The following ANKLE1 variants were observed in gnomAD, a reference collection of about 807,000 sequenced individuals.
ANKLE1 encodes structure-specific endonuclease ANKLE1.
In ANKLE1, 59 loss-of-function variants were observed where a neutral mutation model predicts 56.2. That is an observed-to-expected ratio of 1.05 (90% confidence interval 0.85 to 1.30). The LOEUF is 1.30. Ranked by LOEUF, ANKLE1 falls within the 50% of genes most tolerant of loss-of-function variation. The pLI, the probability that ANKLE1 is intolerant of heterozygous loss-of-function variation, is 0.00. For missense variants in ANKLE1, 771 were observed against 816.1 expected (o/e 0.94, Z 0.67); for synonymous variants, 341 against 352.9 (o/e 0.97, Z 0.38).
At chr19:17,282,486 T>C in intron 2 of ANKLE1, 170 bp from the exon 3 acceptor site, 1 of 848,788 alleles carries the variant, frequency 1.2e-6, no homozygotes, top group Non-Finnish European at 1.9e-6. Flanking sequence ...ACGGCAGAGG[T>C]TTGGGTCCTG....
In ANKLE1 at chr19:17,283,204, GGCCCCCACTCTCACCTGCA is replaced by G. The variant is rs1356873162; in HGVS notation, c.461-15_464del. On this transcript the variant is annotated splice_acceptor_variant and splice_polypyrimidine_tract_variant and intron_variant, in intron 4 of 8. Transcript: ENST00000404085. LOFTEE classifies it high-confidence loss of function. ...TCTCATCCCTCCTCCTCTCCTCTCT[GGCCCCCACTCTCACCTGCA>G]GCCCCAGGCCTCTCTGGACCTACCG... The G allele has an allele frequency of 2.5e-6, 4 of 1,591,704 alleles. No homozygotes were observed. In the East Asian group the frequency reaches 9.0e-5, roughly 36 times the overall value.
rs769875989 is a variant in ANKLE1, at chr19:17,287,464, A to G, written c.*912A>G. 2.6e-5 allele frequency: 4 copies of G among 151,866 alleles called. No individual in the cohort carries two copies. The highest frequency in any genetic ancestry group is 5.9e-5 in the Non-Finnish European group (4 of 68,052). 9.4% of individuals were successfully genotyped at this position (151,866 alleles called of 1,614,324 possible). ...AAACAAAAAAACAAATGCCACATCA[A>G]CATCAGGACGTTAACCTTTAGACCC... On this transcript the variant is annotated 3_prime_UTR_variant, in exon 9 of 9. Transcript: ENST00000404085.
At position 17,283,465 on chromosome 19, in the gene ANKLE1, C is replaced by T. The variant is rs777780188; in HGVS notation, c.701C>T (p.Ala234Val). 2 of 1,612,846 alleles carry T rather than the reference C, an allele frequency of 1.2e-6. No homozygotes were observed. The highest frequency in any genetic ancestry group is 2.7e-5 in the African/African-American group (2 of 74,916). Reference sequence around the variant, plus strand: ...GAGGTCTCTGGAGCTGAGGACCCAGCCTCGGACACTCCCCCCTGGGCTGGG... The same window carrying T: ...GAGGTCTCTGGAGCTGAGGACCCAGTCTCGGACACTCCCCCCTGGGCTGGG... ...AVEVSGAEDP[A>V]SDTPPWAGSL... Residue 234 changes from alanine (A) to valine (V), a missense_variant, in exon 5 of 9, where the codon GCC becomes GTC. Transcript: ENST00000404085.
chr19:17,286,516 A>C lies in ANKLE1; in HGVS notation c.1812A>C (p.Arg604=), dbSNP rs1316836809. ...TTGTCTTCCTGGCTGAAGGCGAGCG[A>C]CAGCTTCATCCCCAGGACATCCAGG... ...ALLVFLAEGE[R]QLHPQDIQAR... Residue 604 remains arginine, a synonymous_variant, in exon 9 of 9, where the codon CGA becomes CGC. Transcript: ENST00000404085. 6.2e-7 allele frequency: 1 copy of C among 1,611,136 alleles called. No individual in the cohort carries two copies. The highest frequency in any genetic ancestry group is 2.2e-5 in the East Asian group (1 of 44,784).
In ANKLE1 at chr19:17,282,880, T is replaced by C. The variant is rs910719416; in HGVS notation, c.338T>C (p.Leu113Pro). 4 of 1,582,332 alleles carry C rather than the reference T, an allele frequency of 2.5e-6. No homozygotes were observed. The African/African-American group carries it at 5.4e-5, about 21-fold the overall frequency. Residue 113 changes from leucine (L) to proline (P), a missense_variant, in exon 4 of 9, where the codon CTG becomes CCG. Physicochemically the swap from Leu to Pro is moderately conservative, Grantham distance 98 (BLOSUM62 -3). Transcript: ENST00000404085. The stretch of plus-strand genomic sequence containing the variant: ...CCCCTGTAGGACGGACTCCGGCCGC[T>C]GGACCTGGCCCTGCAGCAGGGACAC... ...ALRDQDGLRP[L>P]DLALQQGHLE...
Position 17,283,519 on chromosome 19 carries a change from T to C in ANKLE1, c.755T>C (p.Leu252Pro). Residue 252 changes from leucine to proline, a missense_variant, in exon 5 of 9, where the codon CTG becomes CCG. Physicochemically the swap from Leu to Pro is moderately conservative, Grantham distance 98. Transcript: ENST00000404085. ...GSLPPTRQGL[L>P]HVVHANQRVP... ...TTGCCACCGACCAGGCAGGGACTTC[T>C]GCATGTTGTCCATGCCAACCAGAGG... The C allele has an allele frequency of 6.2e-7, 1 of 1,613,146 alleles. No homozygotes were observed. Among genetic ancestry groups the C allele is most frequent in the Non-Finnish European group, 8.5e-7 (1 of 1,179,758 alleles).
In ANKLE1 at chr19:17,282,960, C is replaced by T. The variant is rs200388053; in HGVS notation, c.418C>T (p.Arg140Trp). The T allele has an allele frequency of 2.4e-4, 373 of 1,567,520 alleles. 1 individual carries two copies. The highest frequency in any genetic ancestry group is 2.9e-4 in the Non-Finnish European group (337 of 1,162,888). ...CGACACGCGGACCAGGACCCGGACC[C>T]GGATCGGGGCAGAGACTCAGGAGCC... ...DLDTRTRTRT[R>W]IGAETQEPEP... The change falls in exon 4 of 9, where the codon CGG (arginine) becomes TGG (tryptophan). Residue 140 changes from arginine (R) to tryptophan (W), a missense_variant. Arg to Trp is a moderately radical substitution (Grantham distance 101). Transcript: ENST00000404085.
Position 17,283,537 on chromosome 19 carries a change from A to T in ANKLE1, c.773A>T (p.Asn258Ile), listed in dbSNP as rs777655909. 3 of 1,612,932 alleles carry T rather than the reference A, an allele frequency of 1.9e-6. No individual in the cohort carries two copies. The highest frequency in any genetic ancestry group is 3.3e-5 in the Admixed American group (2 of 60,002). Residue 258 changes from asparagine to isoleucine, a missense_variant, in exon 5 of 9, where the codon AAC (asparagine) becomes ATC (isoleucine). Physicochemically the swap from Asn to Ile is moderately radical, Grantham distance 149. Coordinates refer to ENST00000404085, the MANE Select transcript of ANKLE1 (RefSeq NM_152363.6). ...RQGLLHVVHANQRVPRSQGTE... is the reference protein window; with the variant it reads ...RQGLLHVVHAIQRVPRSQGTE... ...GGACTTCTGCATGTTGTCCATGCCAACCAGAGGGTACCTAGGTCTCAGGGC... is the reference window on the plus strand; with the variant it reads ...GGACTTCTGCATGTTGTCCATGCCATCCAGAGGGTACCTAGGTCTCAGGGC...
Position 17,283,711 on chromosome 19 carries a change from A to G in ANKLE1, c.947A>G (p.Asp316Gly). The change falls in exon 5 of 9, where the codon GAC becomes GGC. Residue 316 changes from aspartate (D) to glycine (G), a missense_variant. Physicochemically the swap from Asp to Gly is moderately conservative, Grantham distance 94. Transcript: ENST00000404085. ...CGGACACCAACCCCTGGAGCTTCTG[A>G]CTGCCACTGCCTGTGGGAGCACCAG... ...PPRTPTPGAS[D>G]CHCLWEHQTS... 1 of 1,613,506 alleles carries G rather than the reference A, an allele frequency of 6.2e-7. No homozygotes were observed. The highest frequency in any genetic ancestry group is 8.5e-7 in the Non-Finnish European group (1 of 1,179,864).
In ANKLE1 at chr19:17,282,613, G is replaced by A. The variant is rs1222140341; in HGVS notation, c.216-43G>A. 7 of 1,515,272 alleles carry A rather than the reference G, an allele frequency of 4.6e-6. No homozygotes were observed. The East Asian group carries it at 1.5e-4, about 32-fold the overall frequency. The allele number at this position is 1,515,272 out of a possible 1,614,324, so 93.9% of individuals were successfully genotyped here. A position where few individuals can be genotyped will look rare whatever the true frequency, so the allele number is the denominator to read the frequency against. On this transcript the variant is annotated intron_variant, in intron 2 of 8. Coordinates refer to ENST00000404085, the MANE Select transcript of ANKLE1 (RefSeq NM_152363.6). ...AGAGCGGAGATCGGGGTTCCTGCCG[G>A]GAGGCTGAGTCCGCAATGACCCCTC...
In ANKLE1 at chr19:17,282,693, G is replaced by T. The variant is rs764439999; in HGVS notation, c.253G>T (p.Ala85Ser). The change falls in exon 3 of 9, where the codon GCG (alanine) becomes TCG (serine). Residue 85 changes from alanine to serine, a missense_variant. By Grantham distance (99) the Ala-to-Ser change is moderately conservative. Coordinates refer to ENST00000404085, the MANE Select transcript of ANKLE1 (RefSeq NM_152363.6). ...EALTPLHVAA[A>S]WGCRRGLELL... ...ACTGACGCCGCTGCATGTGGCCGCC[G>T]CGTGGGGCTGCCGCCGCGGCCTGGA... 2.0e-6 allele frequency: 3 copies of T among 1,535,442 alleles called. No individual in the cohort carries two copies. Among genetic ancestry groups the T allele is most frequent in the Non-Finnish European group, 2.6e-6 (3 of 1,146,772 alleles).
intron 2 of ANKLE1, 195 bp from the exon 3 acceptor site, chr19:17,282,461 A>G: frequency 1.2e-6 from 1 of 804,470 alleles, no homozygotes; most frequent in South Asian, 1.7e-5. Flanking sequence ...ATTGGAGTGG[A>G]GGCACCAGGG....
chr19:17,284,045 C>T, intron 5 of ANKLE1, 44 bp from the exon 6 acceptor site: 1 of 1,606,686 alleles, frequency 6.2e-7, no homozygotes, highest in Non-Finnish European at 8.5e-7. Context: ...CACTTTCCTC[C>T]CCATCTCAGA....
intron 5 of ANKLE1, 60 bp from the exon 6 acceptor site, chr19:17,284,029 C>T: frequency 6.2e-7 from 1 of 1,602,188 alleles, no homozygotes; most frequent in Non-Finnish European, 8.5e-7. Context: ...CCCCAGCTCT[C>T]AGCCCCACTT....
Position 17,285,579 on chromosome 19 carries a change from T to C in ANKLE1, c.1525T>C (p.Ser509Pro), listed in dbSNP as rs2074022536. The change falls in exon 7 of 9, where the codon TCA (serine) becomes CCA (proline). Residue 509 changes from serine (S) to proline (P), a missense_variant. Coordinates refer to ENST00000404085, the MANE Select transcript of ANKLE1 (RefSeq NM_152363.6). ...LWEALGHHGR[S>P]RKQPHQACPK... ...GGAGGCCCTTGGTCACCATGGGCGG[T>C]CAAGAAAACAGGTGTGAGGACAGGG... 4 of 1,613,734 alleles carry C rather than the reference T, an allele frequency of 2.5e-6. No individual in the cohort carries two copies. The East Asian group carries it at 8.9e-5, about 36-fold the overall frequency.
chr19:17,284,859 T>C (rs2074014977), intron 6 of ANKLE1, among the ~76,000 whole-genome samples: 1 of 151,744 alleles, frequency 6.6e-6, no homozygotes, highest in South Asian at 2.1e-4. Flanking sequence ...CTAATTTTTT[T>C]TGTAATTTTA....
In ANKLE1 at chr19:17,285,870, C is replaced by T; in HGVS notation, c.1675+51C>T. On this transcript the variant is annotated intron_variant, in intron 8 of 8. Transcript: ENST00000404085. ...GGTCATATGAAAGGCATTTGGCTTC[C>T]CAGTTCCCTCATTTTTTTCCTTCTG... 3 of 1,601,346 alleles carry T rather than the reference C, an allele frequency of 1.9e-6. No individual in the cohort carries two copies. The South Asian group carries it at 3.3e-5, about 18-fold the overall frequency.
intron 6 of ANKLE1, 40 bp from the exon 7 acceptor site, chr19:17,285,391 G>A: frequency 1.9e-6 from 3 of 1,611,100 alleles, no homozygotes; most frequent in Non-Finnish European, 2.5e-6. Context: ...GGGGACCACT[G>A]TATCCACTTT....
chr19:17,285,982 C>T (rs1475180878), intron 8 of ANKLE1, among the ~76,000 whole-genome samples, 163 bp downstream of exon 8: 1 of 152,126 alleles, frequency 6.6e-6, no homozygotes, highest in Non-Finnish European at 1.5e-5. Flanking sequence ...GGTTTATCCC[C>T]ACTCAAGGGC....
Sources: allele counts gnomAD v4.1 joint callset (sites outside exome capture counted in the v4.1 genomes callset), GRCh38; gene constraint gnomAD v4.1.1; transcripts MANE v1.5; gene names NCBI Gene and HGNC (gene_info 2026-07-23, HGNC 2026-07-21).